INSC: variants seen among roughly 807,000 people sequenced by gnomAD.
INSC encodes the protein protein inscuteable homolog.
A neutral mutation model predicts 58.6 loss-of-function variants in INSC; 67 were observed. That is an observed-to-expected ratio of 1.14 (90% confidence interval 0.94 to 1.40). The LOEUF (loss-of-function observed/expected upper bound fraction) is 1.40, where lower values mean the gene tolerates loss of function less well. Ranked by LOEUF, INSC falls within the 40% of genes most tolerant of loss-of-function variation. INSC has a pLI of 0.00. For missense variants in INSC, 714 were observed against 692.0 expected, an observed-to-expected ratio of 1.03 and a Z score of -0.36; for synonymous variants, 262 against 276.1, an observed-to-expected ratio of 0.95 and a Z score of 0.51.
At chr11:15,257,135 A>T in the INSC span, among the ~76,000 whole-genome samples, 2 of 152,226 alleles carry the variant, frequency 1.3e-5, no homozygotes, top group Non-Finnish European at 2.9e-5. Context: ...AAATTGCAAG[A>T]TCAAAAAGTT....
the INSC span, among the ~76,000 whole-genome samples, chr11:15,262,692 A>AGTATC: frequency 1.3e-5 from 2 of 151,860 alleles, no homozygotes; most frequent in African/African-American, 2.4e-5. Context: ...ACACACAAAC[A>AGTATC]GTATCTCCAG....
intron 2 of INSC, among the ~76,000 whole-genome samples, chr11:15,164,319 G>A (rs1849120842): frequency 6.6e-6 from 1 of 152,126 alleles, no homozygotes; most frequent in Non-Finnish European, 1.5e-5. Flanking sequence ...TAACTTTATA[G>A]AACTCCACCT....
chr11:15,204,562 C>T (rs962171287), intron 7 of INSC, among the ~76,000 whole-genome samples: 1 of 152,190 alleles, frequency 6.6e-6, no homozygotes, highest in Non-Finnish European at 1.5e-5. Flanking sequence ...CCCACAGAGG[C>T]TCTGGTGAGG....
intron 5 of INSC, among the ~76,000 whole-genome samples, chr11:15,186,976 C>A (rs1292307612): frequency 6.6e-6 from 1 of 152,168 alleles, no homozygotes; most frequent in Non-Finnish European, 1.5e-5. Flanking sequence ...TGTGCAGCAA[C>A]AACAGATGTG....
At chr11:15,162,298 C>A (rs1400856924) in intron 2 of INSC, among the ~76,000 whole-genome samples, 2 of 152,150 alleles carry the variant, frequency 1.3e-5, no homozygotes, top group African/African-American at 4.8e-5. Flanking sequence ...CACTTATCTC[C>A]ATACTGTGTC....
At chr11:15,151,643 T>G (rs1041873674) in intron 2 of INSC, among the ~76,000 whole-genome samples, 2 of 152,136 alleles carry the variant, frequency 1.3e-5, no homozygotes, top group African/African-American at 2.4e-5. Flanking sequence ...GTGGTGGTGC[T>G]GCTGGAACAT....
downstream of INSC, among the ~76,000 whole-genome samples, chr11:15,250,019 T>C (rs1364077782): frequency 6.6e-6 from 1 of 152,196 alleles, no homozygotes; most frequent in Non-Finnish European, 1.5e-5. Context: ...CCTGAAATCT[T>C]CCTTTATCTC....
chr11:15,242,345 C>T (rs1459675287), intron 12 of INSC, among the ~76,000 whole-genome samples: 2 of 152,096 alleles, frequency 1.3e-5, no homozygotes, highest in Non-Finnish European at 2.9e-5. Flanking sequence ...ACTTTCAAGC[C>T]GAAAAAGGAT....
At chr11:15,172,604 G>A (rs1849438558) in intron 2 of INSC, among the ~76,000 whole-genome samples, 1 of 152,186 alleles carries the variant, frequency 6.6e-6, no homozygotes, top group Non-Finnish European at 1.5e-5. Context: ...TTTAGAGGAG[G>A]TAATATAAGA....
chr11:15,229,977 TATTATATATATATATA>T, intron 9 of INSC, among the ~76,000 whole-genome samples: 1 of 11,166 alleles, frequency 9.0e-5, no homozygotes, highest in South Asian at 3.3e-3. Flanking sequence ...TATATATATA[TATTATATATATATATA>T]TATATATATA....
chr11:15,125,730 A>G (rs1003606190), intron 1 of INSC, among the ~76,000 whole-genome samples: 1 of 152,276 alleles, frequency 6.6e-6, no homozygotes, highest in South Asian at 2.1e-4. Flanking sequence ...GCTGGCTAAT[A>G]TGGGCATATT....
intron 9 of INSC, among the ~76,000 whole-genome samples, chr11:15,232,340 C>A (rs1032398012): frequency 6.6e-6 from 1 of 152,112 alleles, no homozygotes; most frequent in East Asian, 1.9e-4. Flanking sequence ...CTGCCCAGAG[C>A]GAGCCATATT....
chr11:15,233,936 A>C (rs1457886280), intron 9 of INSC, among the ~76,000 whole-genome samples: 1 of 152,156 alleles, frequency 6.6e-6, no homozygotes, highest in Non-Finnish European at 1.5e-5. Flanking sequence ...AAGAATGTGC[A>C]CACGATGCCT....
intron 1 of INSC, among the ~76,000 whole-genome samples, chr11:15,121,965 T>G (rs923484398): frequency 3.3e-5 from 5 of 152,210 alleles, no homozygotes; most frequent in African/African-American, 9.6e-5. Flanking sequence ...AGGCTTAGTT[T>G]CCTTACTTTG....
intron 9 of INSC, among the ~76,000 whole-genome samples, chr11:15,228,836 G>A (rs1377259848): frequency 3.3e-5 from 5 of 152,086 alleles, no homozygotes; most frequent in East Asian, 3.9e-4. Context: ...CTATCCTGTC[G>A]CCACCCTTGG....
rs140320170 is a variant in INSC, at chr11:15,218,023, C to T, written c.820-3454C>T. ...GAAACACTTTGCCCTAGGAATTCCA[C>T]TCCTAGATTGGGATCTCTGAAGAAA... On this transcript the variant is annotated intron_variant, in intron 7 of 12. Coordinates refer to ENST00000379556, the MANE Select transcript of INSC (RefSeq NM_001042536.3). 2.0e-5 allele frequency among the ~76,000 whole-genome samples: 3 copies of T among 152,272 alleles called. No individual in the cohort carries two copies. In the East Asian group the frequency reaches 5.8e-4, roughly 29 times the overall value.
At chr11:15,162,641 G>C (rs549924741) in intron 2 of INSC, among the ~76,000 whole-genome samples, 3 of 152,100 alleles carry the variant, frequency 2.0e-5, no homozygotes, top group African/African-American at 4.8e-5. Flanking sequence ...TGGAATGTTC[G>C]TTCGTTTTGC....
At chr11:15,142,293 G>C (rs562579994) in intron 1 of INSC, among the ~76,000 whole-genome samples, 125 of 152,300 alleles carry the variant, frequency 8.2e-4, no homozygotes, top group African/African-American at 2.9e-3. Flanking sequence ...GTGCTACTGA[G>C]ATAGTTTCCT....
chr11:15,244,537 A>G (rs1034168270), intron 12 of INSC, among the ~76,000 whole-genome samples: 1 of 152,114 alleles, frequency 6.6e-6, no homozygotes, highest in Non-Finnish European at 1.5e-5. Flanking sequence ...CTTGTGCTCA[A>G]TATAACCTTG....
Sources: allele counts gnomAD v4.1 joint callset (sites outside exome capture counted in the v4.1 genomes callset), GRCh38; gene constraint gnomAD v4.1.1; transcripts MANE v1.5; gene names NCBI Gene and HGNC (gene_info 2026-07-23, HGNC 2026-07-21).